MAS1: variants seen among roughly 807,000 people sequenced by gnomAD.
MAS1 encodes the protein proto-oncogene Mas.
For missense variants in MAS1, 387 were observed against 409.7 expected (o/e 0.94, Z 0.48); for synonymous variants, 163 against 164.2 (o/e 0.99, Z 0.05).
chr6:159,905,222 G>A (rs1420172905), intron 2 of MAS1, among the ~76,000 whole-genome samples: 1 of 152,198 alleles, frequency 6.6e-6, no homozygotes, highest in Non-Finnish European at 1.5e-5. Flanking sequence ...GCCTGGCATG[G>A]GCTAAATGTG....
intron 1 of MAS1, among the ~76,000 whole-genome samples, chr6:159,895,608 C>T (rs1034078612): frequency 2.0e-5 from 3 of 151,912 alleles, no homozygotes; most frequent in South Asian, 2.1e-4. Context: ...TACAAGTAAC[C>T]GTTAACATAA....
chr6:159,906,063 T>A (rs1284021472), intron 2 of MAS1, among the ~76,000 whole-genome samples: 1 of 152,112 alleles, frequency 6.6e-6, no homozygotes, highest in Non-Finnish European at 1.5e-5. Context: ...GTTATTTTGA[T>A]CAACTTCTTA....
Position 159,908,167 on chromosome 6 carries a change from T to G in MAS1, c.*234T>G. ...TCTTTCAGCTCTTTTGGCAGCATCTTACCATGAACCATAAAAATGACTTTT... is the reference window on the plus strand; with the variant it reads ...TCTTTCAGCTCTTTTGGCAGCATCTGACCATGAACCATAAAAATGACTTTT... On this transcript the variant is annotated 3_prime_UTR_variant, in exon 3 of 3. Coordinates refer to ENST00000674077, the MANE Select transcript of MAS1 (RefSeq NM_002377.4). The G allele has an allele frequency of 2.5e-6, 1 of 393,752 alleles. No homozygotes were observed. The highest frequency in any genetic ancestry group is 4.5e-6 in the Non-Finnish European group (1 of 223,464). The allele number at this position is 393,752 out of a possible 1,614,324, so 24.4% of individuals were successfully genotyped here. A position where few individuals can be genotyped will look rare whatever the true frequency, so the allele number is the denominator to read the frequency against.
At chr6:159,901,832 A>T (rs1339446481) in intron 2 of MAS1, among the ~76,000 whole-genome samples, 1 of 150,522 alleles carries the variant, frequency 6.6e-6, no homozygotes, top group Non-Finnish European at 1.5e-5. Context: ...TAGCCTGGGC[A>T]ACAGAGCAAG....
rs115701490 is a variant in MAS1, at chr6:159,908,077, T to C, written c.*144T>C. The C allele has an allele frequency of 2.1e-4, 191 of 898,060 alleles. No homozygotes were observed. The African/African-American group carries it at 2.5e-3, about 12-fold the overall frequency. The allele number at this position is 898,060 out of a possible 1,614,324, so 55.6% of individuals were successfully genotyped here. On this transcript the variant is annotated 3_prime_UTR_variant, in exon 3 of 3. Coordinates refer to ENST00000674077, the MANE Select transcript of MAS1 (RefSeq NM_002377.4). ...CATGAGATACTAATTAATGATGAAA[T>C]TGAACTCTTGTACTGTATCTTCTGG...
intron 2 of MAS1, among the ~76,000 whole-genome samples, chr6:159,899,603 G>A (rs1782799288): frequency 6.6e-6 from 1 of 152,116 alleles, no homozygotes; most frequent in Admixed American, 6.5e-5. Context: ...AGCTGTCATG[G>A]TCGTGAGTGC....
At position 159,891,036 on chromosome 6, in the gene MAS1, C is replaced by T. The variant is rs1484739277; in HGVS notation, c.-341C>T. On this transcript the variant is annotated 5_prime_UTR_variant, in exon 1 of 3. Transcript: ENST00000674077. The stretch of plus-strand genomic sequence containing the variant: ...GCAGCCATCCTTCGAGATGTTGGGA[C>T]CGGAGACCCTGCAGGCTGGCTGGGC... Among the ~76,000 whole-genome samples, 4 of 152,202 alleles carry T rather than the reference C, an allele frequency of 2.6e-5. No individual in the cohort carries two copies. Among genetic ancestry groups the T allele is most frequent in the Non-Finnish European group, 4.4e-5 (3 of 68,048 alleles).
At chr6:159,889,576 G>C (rs1782675130), upstream of MAS1, among the ~76,000 whole-genome samples, 1 of 152,108 alleles carries the variant, frequency 6.6e-6, no homozygotes, top group South Asian at 2.1e-4. Context: ...TCCCACCCGT[G>C]CTCCTTCTTT....
At chr6:159,899,941 G>T (rs140015334) in intron 2 of MAS1, among the ~76,000 whole-genome samples, 2,170 of 152,248 alleles carry the variant, frequency 0.014, 54 homozygotes, top group African/African-American at 0.05. Context: ...ATCTACTCGG[G>T]AGGCTGAGGC....
chr6:159,915,445 T>C lies in MAS1; in HGVS notation c.*7512T>C, dbSNP rs1783011389. The C allele has an allele frequency of 6.6e-6, 1 of 152,260 alleles. No homozygotes were observed. The highest frequency in any genetic ancestry group is 6.5e-5 in the Admixed American group (1 of 15,290). The allele number at this position is 152,260 out of a possible 1,614,324, so 9.4% of individuals were successfully genotyped here. On this transcript the variant is annotated 3_prime_UTR_variant, in exon 3 of 3. Transcript: ENST00000674077. Reference sequence around the variant, plus strand: ...TCTACAGAGCAGTCTGATTGAGGTCTTCAGCATCTTTGCAAGGTGCCCTGG... The same window carrying C: ...TCTACAGAGCAGTCTGATTGAGGTCCTCAGCATCTTTGCAAGGTGCCCTGG...
At chr6:159,901,351 C>T (rs1046765527) in intron 2 of MAS1, among the ~76,000 whole-genome samples, 1 of 152,206 alleles carries the variant, frequency 6.6e-6, no homozygotes, top group Non-Finnish European at 1.5e-5. Flanking sequence ...GTGGCTCTCA[C>T]CTGTAATCCC....
chr6:159,908,163 A>G lies in MAS1; in HGVS notation c.*230A>G. 2.4e-6 allele frequency: 1 copy of G among 417,380 alleles called. No individual in the cohort carries two copies. The highest frequency in any genetic ancestry group is 4.2e-6 in the Non-Finnish European group (1 of 239,154). 25.9% of individuals were successfully genotyped at this position (417,380 alleles called of 1,614,324 possible). On this transcript the variant is annotated 3_prime_UTR_variant, in exon 3 of 3. Transcript: ENST00000674077. Reference sequence around the variant, plus strand: ...TATTTCTTTCAGCTCTTTTGGCAGCATCTTACCATGAACCATAAAAATGAC... The same window carrying G: ...TATTTCTTTCAGCTCTTTTGGCAGCGTCTTACCATGAACCATAAAAATGAC...
rs1187285999 is a variant in MAS1, at chr6:159,912,375, A to C, written c.*4442A>C. The C allele has an allele frequency of 6.6e-6, 1 of 152,242 alleles. No individual in the cohort carries two copies. The highest frequency in any genetic ancestry group is 1.5e-5 in the Non-Finnish European group (1 of 68,040). 9.4% of individuals were successfully genotyped at this position (152,242 alleles called of 1,614,324 possible). A position where few individuals can be genotyped will look rare whatever the true frequency, so the allele number is the denominator to read the frequency against. Reference sequence around the variant, plus strand: ...AGGAATCACTTCTGGAAAGGAAAACACATCAAGCCATACATACTTTTTCCT... The same window carrying C: ...AGGAATCACTTCTGGAAAGGAAAACCCATCAAGCCATACATACTTTTTCCT... On this transcript the variant is annotated 3_prime_UTR_variant, in exon 3 of 3. Coordinates refer to ENST00000674077, the MANE Select transcript of MAS1 (RefSeq NM_002377.4).
intron 2 of MAS1, among the ~76,000 whole-genome samples, chr6:159,900,647 A>G (rs902023005): frequency 1.3e-5 from 2 of 152,218 alleles, no homozygotes; most frequent in Non-Finnish European, 2.9e-5. Context: ...TCATGATCAA[A>G]GTCTGCCTGA....
rs170219 is a variant in MAS1, at chr6:159,908,391, A to G, written c.*458A>G. The G allele has an allele frequency of 0.42, 64,376 of 152,084 alleles. 14,792 individuals carry two copies. The highest frequency in any genetic ancestry group is 0.69 in the East Asian group (3,531 of 5,134). The allele number at this position is 152,084 out of a possible 1,614,324, so 9.4% of individuals were successfully genotyped here. A position where few individuals can be genotyped will look rare whatever the true frequency, so the allele number is the denominator to read the frequency against. On this transcript the variant is annotated 3_prime_UTR_variant, in exon 3 of 3. Transcript: ENST00000674077. ...TCTATACCTCCTTGGTCTGCTGTGAAGATGAAATGAGAAGATGAGGCTTGT... is the reference window on the plus strand; with the variant it reads ...TCTATACCTCCTTGGTCTGCTGTGAGGATGAAATGAGAAGATGAGGCTTGT...
rs1173043536 is a variant in MAS1, at chr6:159,914,465, A to G, written c.*6532A>G. The G allele has an allele frequency of 1.3e-5, 2 of 152,120 alleles. No homozygotes were observed. Among genetic ancestry groups the G allele is most frequent in the Non-Finnish European group, 2.9e-5 (2 of 68,034 alleles). 9.4% of individuals were successfully genotyped at this position (152,120 alleles called of 1,614,324 possible). Reference sequence around the variant, plus strand: ...TTGCGGTGAGCACTGGAACTTAAACATTGCCCTGGAACTATATTGCTGCTC... The same window carrying G: ...TTGCGGTGAGCACTGGAACTTAAACGTTGCCCTGGAACTATATTGCTGCTC... On this transcript the variant is annotated 3_prime_UTR_variant, in exon 3 of 3. Transcript: ENST00000674077.
In MAS1 at chr6:159,907,214, T is replaced by C; in HGVS notation, c.259T>C (p.Leu87=). The change falls in exon 3 of 3, where the codon TTG becomes CTG. Residue 87 remains leucine, a synonymous_variant. Coordinates refer to ENST00000674077, the MANE Select transcript of MAS1 (RefSeq NM_002377.4). ...CTCACTGCTCTTCTGTATTTTCATCTTGTCTATCGACTATGCTTTAGATTA... is the reference window on the plus strand; with the variant it reads ...CTCACTGCTCTTCTGTATTTTCATCCTGTCTATCGACTATGCTTTAGATTA... ...DISLLFCIFI[L]SIDYALDYEL... The C allele has an allele frequency of 6.2e-7, 1 of 1,614,264 alleles. No individual in the cohort carries two copies. The highest frequency in any genetic ancestry group is 8.5e-7 in the Non-Finnish European group (1 of 1,180,042).
At chr6:159,889,933 A>G (rs973485327), upstream of MAS1, among the ~76,000 whole-genome samples, 1 of 152,090 alleles carries the variant, frequency 6.6e-6, no homozygotes, top group Non-Finnish European at 1.5e-5. Flanking sequence ...TCGGAGGGGA[A>G]CTTCATCTGT....
At chr6:159,903,131 CA>C (rs1390703195) in intron 2 of MAS1, among the ~76,000 whole-genome samples, 1 of 152,094 alleles carries the variant, frequency 6.6e-6, no homozygotes, top group African/African-American at 2.4e-5. Flanking sequence ...ACGGGGACTT[CA>C]ATGATTCCCT....
Sources: gnomAD v4.1 joint callset for allele counts (sites outside exome capture counted in the v4.1 genomes callset) on GRCh38, gnomAD v4.1.1 for gene constraint, MANE v1.5 for transcripts, NCBI Gene and HGNC (gene_info 2026-07-23, HGNC 2026-07-21) for gene names.